Variants in PTTG1IP2 observed in about 807,000 individuals in gnomAD.
PTTG1IP2 encodes the protein PTTG1IP family member 2.
chr7:90,482,513 C>G (rs537341297), intron 2 of PTTG1IP2, among the ~76,000 whole-genome samples: 1 of 150,994 alleles, frequency 6.6e-6, no homozygotes, highest in Non-Finnish European at 1.5e-5. Context: ...CAACCCCCCC[C>G]CCACACAACT....
At chr7:90,476,475 G>C (rs574240383) in intron 1 of PTTG1IP2, among the ~76,000 whole-genome samples, 44 of 151,336 alleles carry the variant, frequency 2.9e-4, no homozygotes, top group Non-Finnish European at 6.0e-4. Context: ...ATGATAGAAA[G>C]ATGCATATAA....
chr7:90,493,739 G>T (rs938808825), intron 5 of PTTG1IP2, among the ~76,000 whole-genome samples: 3 of 152,156 alleles, frequency 2.0e-5, no homozygotes, highest in African/African-American at 7.2e-5. Flanking sequence ...AAATTGAGAA[G>T]AAGATGAAAA....
chr7:90,476,551 C>G (rs532407952), intron 1 of PTTG1IP2, among the ~76,000 whole-genome samples: 1 of 151,872 alleles, frequency 6.6e-6, no homozygotes, highest in South Asian at 2.1e-4. Flanking sequence ...TTTGAGGTCA[C>G]TAGAGGAAAT....
At chr7:90,501,143 T>G (rs1223610505) in intron 6 of PTTG1IP2, among the ~76,000 whole-genome samples, 2 of 152,144 alleles carry the variant, frequency 1.3e-5, no homozygotes, top group Non-Finnish European at 2.9e-5. Context: ...TGGAATGAAA[T>G]TAACTGTGAT....
intron 6 of PTTG1IP2, among the ~76,000 whole-genome samples, 177 bp from the exon 7 acceptor site, chr7:90,513,101 T>A (rs1274111397): frequency 6.6e-6 from 1 of 152,244 alleles, no homozygotes. Context: ...CTAATTTAAG[T>A]TGATAATCAT....
intron 4 of PTTG1IP2, among the ~76,000 whole-genome samples, chr7:90,491,175 G>A (rs1029886251): frequency 1.3e-5 from 2 of 152,148 alleles, no homozygotes; most frequent in African/African-American, 4.8e-5. Flanking sequence ...AAAAATTAAA[G>A]CACTTTAAAA....
chr7:90,474,293 C>T (rs1797721732), intron 1 of PTTG1IP2, among the ~76,000 whole-genome samples: 1 of 152,146 alleles, frequency 6.6e-6, no homozygotes, highest in African/African-American at 2.4e-5. Flanking sequence ...GTCCTATATG[C>T]AGTCTGTTGA....
At chr7:90,470,647 G>A (rs577297878) in intron 1 of PTTG1IP2, among the ~76,000 whole-genome samples, 1 of 152,274 alleles carries the variant, frequency 6.6e-6, no homozygotes, top group South Asian at 2.1e-4. Flanking sequence ...CAAATCCACA[G>A]TTCTCAGCGT....
intron 6 of PTTG1IP2, among the ~76,000 whole-genome samples, chr7:90,495,577 C>CA (rs1212820914): frequency 6.6e-6 from 1 of 152,192 alleles, no homozygotes; most frequent in Admixed American, 6.5e-5. Context: ...GCTAGAGGCA[C>CA]ATTCCATAAT....
chr7:90,489,911 G>T (rs1226325578), intron 4 of PTTG1IP2, among the ~76,000 whole-genome samples: 1 of 151,810 alleles, frequency 6.6e-6, no homozygotes, highest in Non-Finnish European at 1.5e-5. Flanking sequence ...TACAGCTTTT[G>T]CACTTTCTAG....
intron 2 of PTTG1IP2, among the ~76,000 whole-genome samples, chr7:90,482,579 A>G (rs1797825492): frequency 6.6e-6 from 1 of 151,966 alleles, no homozygotes; most frequent in Admixed American, 6.6e-5. Flanking sequence ...TATATTAGAA[A>G]TAAAATTTCA....
At chr7:90,508,622 C>A (rs1798152502) in intron 6 of PTTG1IP2, among the ~76,000 whole-genome samples, 1 of 152,228 alleles carries the variant, frequency 6.6e-6, no homozygotes, top group East Asian at 1.9e-4. Flanking sequence ...ACAGCTGACA[C>A]TTTTTGGGCA....
chr7:90,480,917 T>C (rs1797808155), intron 2 of PTTG1IP2, among the ~76,000 whole-genome samples: 1 of 152,216 alleles, frequency 6.6e-6, no homozygotes, highest in African/African-American at 2.4e-5. Context: ...TTAGACTTAA[T>C]CCCAAAAGGA....
intron 6 of PTTG1IP2, among the ~76,000 whole-genome samples, chr7:90,506,022 A>G (rs1218155410): frequency 8.7e-6 from 1 of 114,882 alleles, no homozygotes; most frequent in Non-Finnish European, 2.0e-5. Context: ...AAAAAAAAAG[A>G]AAATGCCTGT....
chr7:90,489,415 G>T, intron 4 of PTTG1IP2, among the ~76,000 whole-genome samples: 1 of 151,356 alleles, frequency 6.6e-6, no homozygotes, highest in Non-Finnish European at 1.5e-5. Flanking sequence ...ATTATTTTTA[G>T]TTATTAGATC....
intron 6 of PTTG1IP2, among the ~76,000 whole-genome samples, chr7:90,495,823 G>C (rs1192897364): frequency 1.3e-5 from 2 of 152,174 alleles, no homozygotes; most frequent in African/African-American, 4.8e-5. Flanking sequence ...GGGTGCCCTA[G>C]GCAAACAACA....
chr7:90,472,680 G>A (rs1310608595), intron 1 of PTTG1IP2, among the ~76,000 whole-genome samples: 1 of 152,098 alleles, frequency 6.6e-6, no homozygotes, highest in Non-Finnish European at 1.5e-5. Context: ...TCTGGGAGGA[G>A]GTTGGACTTC....
At chr7:90,509,738 G>T (rs556105149) in intron 6 of PTTG1IP2, among the ~76,000 whole-genome samples, 1 of 152,130 alleles carries the variant, frequency 6.6e-6, no homozygotes, top group Admixed American at 6.5e-5. Context: ...GTGATTTCCC[G>T]CAAGAAGCTG....
intron 6 of PTTG1IP2, among the ~76,000 whole-genome samples, chr7:90,510,483 C>G (rs939341536): frequency 3.9e-5 from 6 of 152,082 alleles, no homozygotes; most frequent in Non-Finnish European, 2.9e-5. Flanking sequence ...CAGCCCTTTC[C>G]TAATACGAGC....
Sources: gnomAD v4.1 joint callset for allele counts (sites outside exome capture counted in the v4.1 genomes callset) on GRCh38, gnomAD v4.1.1 for gene constraint, MANE v1.5 for transcripts, NCBI Gene and HGNC (gene_info 2026-07-23, HGNC 2026-07-21) for gene names.